SHISAL1: variants seen among roughly 807,000 people sequenced by gnomAD.
The protein encoded by SHISAL1 is protein shisa-like-1.
SHISAL1 carries 9 observed loss-of-function variants against 22.6 expected under a neutral mutation model. The observed-to-expected ratio is 0.40, with a 90% confidence interval of 0.24 to 0.70. The LOEUF is 0.70. Ranked by LOEUF, SHISAL1 falls within the 30% of genes least tolerant of loss-of-function variation. SHISAL1 has a pLI of 0.39. For synonymous variants in SHISAL1, 119 were observed against 115.4 expected, an observed-to-expected ratio of 1.03 and a Z score of -0.20; for missense variants, 246 against 270.6, an observed-to-expected ratio of 0.91 and a Z score of 0.64.
intron 4 of SHISAL1, among the ~76,000 whole-genome samples, chr22:44,270,173 A>G (rs117911064): frequency 0.022 from 3,316 of 152,210 alleles, 238 homozygotes; most frequent in East Asian, 0.15. Flanking sequence ...CGCTGGCTCC[A>G]TATTTCCCTT....
chr22:44,328,231 T>C, the SHISAL1 span, among the ~76,000 whole-genome samples: 1 of 152,276 alleles, frequency 6.6e-6, no homozygotes, highest in East Asian at 1.9e-4. Flanking sequence ...AGGAACTCTA[T>C]ATTGCCACCC....
At chr22:44,254,592 C>G (rs2055071847) in intron 4 of SHISAL1, among the ~76,000 whole-genome samples, 2 of 152,118 alleles carry the variant, frequency 1.3e-5, no homozygotes. Flanking sequence ...GATCTCCTGG[C>G]CTCAAGCAAT....
intron 3 of SHISAL1, among the ~76,000 whole-genome samples, chr22:44,292,200 G>A (rs569336518): frequency 6.6e-6 from 1 of 152,238 alleles, no homozygotes; most frequent in South Asian, 2.1e-4. Context: ...GGCGGGGGTC[G>A]GGGGAAGGGC....
intron 4 of SHISAL1, among the ~76,000 whole-genome samples, chr22:44,284,907 C>CTTCT (rs1234276897): frequency 6.6e-6 from 1 of 151,312 alleles, no homozygotes. Flanking sequence ...GCCTTCCTTC[C>CTTCT]TTCCTTCCTT....
chr22:44,266,525 G>GGTGTGTGTGTGTGTGT (rs386395566), intron 4 of SHISAL1, among the ~76,000 whole-genome samples: 3 of 45,652 alleles, frequency 6.6e-5, no homozygotes, highest in African/African-American at 1.5e-4. Context: ...GGGGCTTTGG[G>GGTGTGTGTGTGTGTGT]GTATGTGTGT....
the SHISAL1 span, among the ~76,000 whole-genome samples, chr22:44,328,193 C>T: frequency 2.0e-5 from 3 of 152,246 alleles, no homozygotes; most frequent in South Asian, 4.1e-4. Flanking sequence ...GGGCCCCTGC[C>T]CCCTCATGGT....
At chr22:44,266,853 C>T (rs192810877) in intron 4 of SHISAL1, among the ~76,000 whole-genome samples, 9 of 152,150 alleles carry the variant, frequency 5.9e-5, no homozygotes, top group Admixed American at 1.3e-4. Flanking sequence ...TGCTTGAGGG[C>T]GATGAGAATT....
chr22:44,274,663 G>A (rs1380604827), intron 4 of SHISAL1, among the ~76,000 whole-genome samples: 3 of 152,186 alleles, frequency 2.0e-5, no homozygotes, highest in Admixed American at 6.5e-5. Flanking sequence ...GGGTAAAATC[G>A]CAGGGTCATC....
chr22:44,302,466 G>T (rs566644860), intron 1 of SHISAL1, among the ~76,000 whole-genome samples: 1 of 152,382 alleles, frequency 6.6e-6, no homozygotes, highest in Non-Finnish European at 1.5e-5. Flanking sequence ...CGTGTCTGGG[G>T]AGTGGTGCCG....
chr22:44,290,529 C>CAAAAAAAAAAAAAAAAAAAAA (rs546640216), intron 3 of SHISAL1, among the ~76,000 whole-genome samples: 17 of 84,292 alleles, frequency 2.0e-4, no homozygotes, highest in African/African-American at 7.0e-4. Context: ...AACTCAGTCT[C>CAAAAAAAAAAAAAAAAAAAAA]AAAAAAAAAA....
intron 4 of SHISAL1, among the ~76,000 whole-genome samples, chr22:44,272,296 T>C (rs1234626936): frequency 1.3e-5 from 2 of 152,224 alleles, no homozygotes; most frequent in Non-Finnish European, 2.9e-5. Context: ...TCCAAAAACC[T>C]TCCCTAAGGA....
chr22:44,292,923 G>A (rs1267149584), intron 3 of SHISAL1, among the ~76,000 whole-genome samples: 12 of 152,228 alleles, frequency 7.9e-5, no homozygotes, highest in Admixed American at 5.2e-4. Flanking sequence ...GTCCTCTGGG[G>A]TCTTATCCCA....
At position 44,300,940 on chromosome 22, in the gene SHISAL1, G is replaced by A. The variant is rs563963734; in HGVS notation, c.6C>T (p.Thr2=). The stretch of plus-strand genomic sequence containing the variant: ...CGTTCAAGGACTGCTGGCCACAACT[G>A]GTCATCGTCTGGCTTGCATTGATCC... M[T]SCGQQSLNVL... is the part of the protein sequence containing the mutation. The change falls in exon 2 of 5, where the codon ACC becomes ACT. Residue 2 remains threonine (T), a synonymous_variant. Transcript: ENST00000381176. 6.2e-7 allele frequency: 1 copy of A among 1,614,152 alleles called. No homozygotes were observed. The highest frequency in any genetic ancestry group is 8.5e-7 in the Non-Finnish European group (1 of 1,179,984).
At chr22:44,285,158 T>C (rs1348920984) in intron 4 of SHISAL1, among the ~76,000 whole-genome samples, 1 of 152,216 alleles carries the variant, frequency 6.6e-6, no homozygotes, top group Non-Finnish European at 1.5e-5. Context: ...AAATGTTTAG[T>C]GGTTACCTCT....
Position 44,248,010 on chromosome 22 carries a change from C to G in SHISAL1, c.*1675G>C, listed in dbSNP as rs1173809682. 6.6e-6 allele frequency: 1 copy of G among 152,252 alleles called. No homozygotes were observed. Among genetic ancestry groups the G allele is most frequent in the East Asian group, 1.9e-4 (1 of 5,178 alleles). 9.4% of individuals were successfully genotyped at this position (152,252 alleles called of 1,614,324 possible). On this transcript the variant is annotated 3_prime_UTR_variant, in exon 5 of 5. Coordinates refer to ENST00000381176, the MANE Select transcript of SHISAL1 (RefSeq NM_001099294.2). ...TATCTTTAACGCCCATTACTGGCTCCTGTGTGTCATTCAAATCTGGGCTTC... is the reference window on the plus strand; with the variant it reads ...TATCTTTAACGCCCATTACTGGCTCGTGTGTGTCATTCAAATCTGGGCTTC...
chr22:44,289,497 T>TGTGTGTGTGG, intron 3 of SHISAL1, among the ~76,000 whole-genome samples: 1 of 149,184 alleles, frequency 6.7e-6, no homozygotes. Context: ...TGTGTGTGTT[T>TGTGTGTGTGG]ACTGCCGGGC....
At chr22:44,278,872 G>T (rs1203343342) in intron 4 of SHISAL1, among the ~76,000 whole-genome samples, 4 of 152,240 alleles carry the variant, frequency 2.6e-5, no homozygotes, top group African/African-American at 9.6e-5. Flanking sequence ...TGCACTCTGG[G>T]GAGTCTGCAC....
At chr22:44,298,867 T>C (rs2055406253) in intron 2 of SHISAL1, among the ~76,000 whole-genome samples, 1 of 152,222 alleles carries the variant, frequency 6.6e-6, no homozygotes, top group Non-Finnish European at 1.5e-5. Flanking sequence ...GTCAGCGCCA[T>C]GGGCTTTGGC....
chr22:44,296,092 A>C (rs1467249742), intron 3 of SHISAL1, among the ~76,000 whole-genome samples: 1 of 152,018 alleles, frequency 6.6e-6, no homozygotes, highest in East Asian at 1.9e-4. Flanking sequence ...CACATCCTTA[A>C]CCTCACTTAG....
Sources: allele counts gnomAD v4.1 joint callset (sites outside exome capture counted in the v4.1 genomes callset), GRCh38; gene constraint gnomAD v4.1.1; transcripts MANE v1.5; gene names NCBI Gene and HGNC (gene_info 2026-07-23, HGNC 2026-07-21).